Variants in MBOAT2 observed in about 807,000 individuals in gnomAD.
The protein encoded by MBOAT2 is membrane-bound glycerophospholipid O-acyltransferase 2.
In MBOAT2, 28 loss-of-function variants were observed where a neutral mutation model predicts 63.4. That is an observed-to-expected ratio of 0.44 (90% CI 0.33 to 0.61). The LOEUF (loss-of-function observed/expected upper bound fraction) is 0.61, where lower values mean the gene tolerates loss of function less well. MBOAT2 is among the 20% of genes least tolerant of loss of function. The pLI, the probability that MBOAT2 is intolerant of heterozygous loss-of-function variation, is 0.03. For synonymous variants in MBOAT2, 211 were observed against 215.6 expected (o/e 0.98, Z 0.19); for missense variants, 470 against 605.8 (o/e 0.78, Z 2.35).
chr2:8,855,654 A>C lies in MBOAT2; in HGVS notation c.*3025T>G, dbSNP rs1356107277. 6.6e-6 allele frequency: 1 copy of C among 152,228 alleles called. No homozygotes were observed. Among genetic ancestry groups the C allele is most frequent in the Non-Finnish European group, 1.5e-5 (1 of 68,042 alleles). 9.4% of individuals were successfully genotyped at this position (152,228 alleles called of 1,614,324 possible). On this transcript the variant is annotated 3_prime_UTR_variant, in exon 13 of 13. Coordinates refer to ENST00000305997, the MANE Select transcript of MBOAT2 (RefSeq NM_138799.4). The stretch of plus-strand genomic sequence containing the variant: ...AATTCCCCCAATTACCCTGAGTTCC[A>C]ATAAAAATACTTACTTTAAGAACAG...
intron 2 of MBOAT2, among the ~76,000 whole-genome samples, chr2:8,949,802 G>A (rs559912899): frequency 2.6e-5 from 4 of 152,244 alleles, no homozygotes; most frequent in Non-Finnish European, 4.4e-5. Flanking sequence ...TTTTGCTTAA[G>A]ATTGCTTTGG....
intron 4 of MBOAT2, among the ~76,000 whole-genome samples, chr2:8,890,309 C>T (rs548445385): frequency 1.8e-4 from 28 of 152,286 alleles, no homozygotes; most frequent in African/African-American, 5.3e-4. Flanking sequence ...CACACACGCG[C>T]GCACGCAAAT....
chr2:8,993,168 G>A (rs2103367052), intron 1 of MBOAT2, among the ~76,000 whole-genome samples: 1 of 152,300 alleles, frequency 6.6e-6, no homozygotes. Flanking sequence ...TAATCATCCA[G>A]CTGAAAATAG....
intron 4 of MBOAT2, among the ~76,000 whole-genome samples, chr2:8,891,228 CAG>C (rs1370683338): frequency 1.3e-5 from 2 of 152,132 alleles, no homozygotes; most frequent in Non-Finnish European, 2.9e-5. Flanking sequence ...AACAGAAAGA[CAG>C]AAGACAAAAT....
intron 9 of MBOAT2, among the ~76,000 whole-genome samples, chr2:8,865,485 G>T (rs765037423): frequency 2.6e-5 from 4 of 152,066 alleles, no homozygotes; most frequent in Admixed American, 2.6e-4. Flanking sequence ...CATCTTCTCC[G>T]GGACTTCAAT....
At chr2:8,975,827 A>G (rs1670778353) in intron 1 of MBOAT2, among the ~76,000 whole-genome samples, 2 of 151,710 alleles carry the variant, frequency 1.3e-5, no homozygotes, top group African/African-American at 4.8e-5. Flanking sequence ...ATGGCCACTA[A>G]GTCTTATGTT....
chr2:8,871,649 G>A (rs1318131712), intron 8 of MBOAT2, among the ~76,000 whole-genome samples: 2 of 152,084 alleles, frequency 1.3e-5, no homozygotes, highest in Non-Finnish European at 2.9e-5. Flanking sequence ...AATCCATAAG[G>A]TAACATATTT....
intron 9 of MBOAT2, 56 bp downstream of exon 9, chr2:8,868,390 A>G (rs889946195): frequency 9.6e-6 from 14 of 1,454,980 alleles, no homozygotes; most frequent in Non-Finnish European, 1.3e-5. Flanking sequence ...TAACTTATGA[A>G]AGCAAACTAT....
chr2:8,918,889 C>A (rs991754350), intron 3 of MBOAT2, among the ~76,000 whole-genome samples: 1 of 152,190 alleles, frequency 6.6e-6, no homozygotes, highest in African/African-American at 2.4e-5. Context: ...CCCAAGAGTT[C>A]CCTTGTGGTT....
chr2:8,970,560 C>CA (rs557810275), intron 1 of MBOAT2, among the ~76,000 whole-genome samples: 85 of 151,686 alleles, frequency 5.6e-4, no homozygotes, highest in Non-Finnish European at 7.1e-4. Context: ...AACAACCCTT[C>CA]AAAAAAAATC....
chr2:8,955,169 T>C (rs1669125691), intron 2 of MBOAT2, among the ~76,000 whole-genome samples: 1 of 152,220 alleles, frequency 6.6e-6, no homozygotes. Flanking sequence ...GCCATGCTGC[T>C]GAGTCACCAA....
intron 1 of MBOAT2, among the ~76,000 whole-genome samples, chr2:8,974,847 A>G (rs909101938): frequency 6.6e-6 from 1 of 152,150 alleles, no homozygotes; most frequent in African/African-American, 2.4e-5. Flanking sequence ...AATTTTATGC[A>G]ATGGCAACCA....
intron 1 of MBOAT2, among the ~76,000 whole-genome samples, chr2:8,987,730 T>G (rs1477822827): frequency 6.6e-6 from 1 of 152,178 alleles, no homozygotes; most frequent in Admixed American, 6.5e-5. Flanking sequence ...AAGGCATCTT[T>G]ATATGCCCTG....
At chr2:8,910,316 C>T (rs865833613) in intron 3 of MBOAT2, among the ~76,000 whole-genome samples, 4 of 151,882 alleles carry the variant, frequency 2.6e-5, no homozygotes, top group African/African-American at 4.8e-5. Flanking sequence ...AGAGGAGCAG[C>T]GTGGAGATGG....
intron 3 of MBOAT2, among the ~76,000 whole-genome samples, chr2:8,927,707 G>A (rs1448889085): frequency 6.6e-6 from 1 of 152,102 alleles, no homozygotes; most frequent in Non-Finnish European, 1.5e-5. Flanking sequence ...GGAGAACTGG[G>A]GAAGGGGAAG....
intron 3 of MBOAT2, among the ~76,000 whole-genome samples, chr2:8,933,344 T>A (rs188017818): frequency 3.3e-5 from 5 of 152,286 alleles, no homozygotes; most frequent in Middle Eastern, 3.4e-3. Flanking sequence ...ATCCTGAAAA[T>A]TTTTTGGGTG....
At chr2:8,904,814 A>G (rs1002221194) in intron 4 of MBOAT2, among the ~76,000 whole-genome samples, 2 of 152,292 alleles carry the variant, frequency 1.3e-5, no homozygotes, top group Admixed American at 1.3e-4. Flanking sequence ...GCTGACATGA[A>G]GAAAGCTATT....
intron 4 of MBOAT2, among the ~76,000 whole-genome samples, chr2:8,900,574 G>T (rs1303965145): frequency 6.6e-6 from 1 of 152,158 alleles, no homozygotes; most frequent in Non-Finnish European, 1.5e-5. Context: ...AACCTGGGGG[G>T]TTTTGTGGTA....
At chr2:8,968,722 G>GGTGATGAA (rs1390980976) in intron 1 of MBOAT2, among the ~76,000 whole-genome samples, 1 of 151,626 alleles carries the variant, frequency 6.6e-6, no homozygotes, top group East Asian at 1.9e-4. Context: ...ATAAGAACTA[G>GGTGATGAA]GTGATGAATG....
Sources: allele counts gnomAD v4.1 joint callset (sites outside exome capture counted in the v4.1 genomes callset), GRCh38; gene constraint gnomAD v4.1.1; transcripts MANE v1.5; gene names NCBI Gene and HGNC (gene_info 2026-07-23, HGNC 2026-07-21).